THSD7A: variants seen among roughly 807,000 people sequenced by gnomAD.
The protein encoded by THSD7A is thrombospondin type 1 domain containing 7A.
A neutral mutation model predicts 231.3 loss-of-function variants in THSD7A; 96 were observed. The ratio of observed to expected loss-of-function variants is 0.41; its 90% CI spans 0.35 to 0.49. The LOEUF (loss-of-function observed/expected upper bound fraction) is 0.49. THSD7A is among the 20% of genes least tolerant of loss of function. THSD7A has a pLI of 0.05. For missense variants in THSD7A, 2,290 were observed against 2,070.2 expected (o/e 1.11, Z -2.06); for synonymous variants, 940 against 743.3 (o/e 1.26, Z -4.30).
intron 2 of THSD7A, among the ~76,000 whole-genome samples, chr7:11,635,462 C>T (rs1255355126): frequency 6.6e-6 from 1 of 152,108 alleles, no homozygotes; most frequent in Non-Finnish European, 1.5e-5. Context: ...GATAGTTTTT[C>T]ATAATATAGT....
At position 11,460,734 on chromosome 7, in the gene THSD7A, A is replaced by T; in HGVS notation, c.2533T>A (p.Leu845Ile). 2 of 1,612,708 alleles carry T rather than the reference A, an allele frequency of 1.2e-6. No homozygotes were observed. Among genetic ancestry groups the T allele is most frequent in the Non-Finnish European group, 1.7e-6 (2 of 1,179,428 alleles). The change falls in exon 11 of 28, where the codon TTA (leucine) becomes ATA (isoleucine). Residue 845 changes from leucine to isoleucine, a missense_variant. Physicochemically the swap from Leu to Ile is conservative, Grantham distance 5. Transcript: ENST00000423059. The stretch of plus-strand genomic sequence containing the variant: ...TCTTGTTGCACGCTCCAAGGGACTA[A>T]TTGGCATCTGCGCCATTTGTGAGTC... The part of the protein sequence containing the change: ...WKTHKWRRCQ[L>I]VPWSVQQDSP...
chr7:11,643,052 A>C (rs1223697934), intron 1 of THSD7A, among the ~76,000 whole-genome samples: 1 of 152,098 alleles, frequency 6.6e-6, no homozygotes, highest in Non-Finnish European at 1.5e-5. Context: ...TATAAAAGAT[A>C]AACACCATAA....
At chr7:11,512,669 T>A (rs9691868) in intron 6 of THSD7A, among the ~76,000 whole-genome samples, 122,766 of 150,350 alleles carry the variant, frequency 0.82, 50,636 homozygotes, top group Middle Eastern at 0.87. Context: ...TGAGCAAAGT[T>A]TCACAAGGAC....
At chr7:11,531,651 G>C (rs1024819957) in intron 6 of THSD7A, among the ~76,000 whole-genome samples, 15 of 152,152 alleles carry the variant, frequency 9.9e-5, no homozygotes, top group African/African-American at 3.6e-4. Flanking sequence ...CACTCCATCA[G>C]CAGGATTGAG....
intron 7 of THSD7A, among the ~76,000 whole-genome samples, chr7:11,476,233 C>T (rs1016889354): frequency 6.6e-6 from 1 of 151,234 alleles, no homozygotes; most frequent in African/African-American, 2.4e-5. Flanking sequence ...ACAATTCCTA[C>T]AGTTTATACA....
At chr7:11,651,320 G>C (rs1486805185) in intron 1 of THSD7A, among the ~76,000 whole-genome samples, 10 of 152,002 alleles carry the variant, frequency 6.6e-5, no homozygotes. Context: ...TGAGTGCAGA[G>C]TTCCAGTTTC....
chr7:11,777,218 T>C (rs1783437314), intron 1 of THSD7A, among the ~76,000 whole-genome samples: 2 of 152,120 alleles, frequency 1.3e-5, no homozygotes, highest in Non-Finnish European at 2.9e-5. Context: ...TAAGGGGACA[T>C]TTGGTGCCAT....
chr7:11,714,397 G>A (rs1480928234), intron 1 of THSD7A, among the ~76,000 whole-genome samples: 1 of 151,092 alleles, frequency 6.6e-6, no homozygotes, highest in Non-Finnish European at 1.5e-5. Context: ...TATGTATTTT[G>A]TCAATTAATC....
Position 11,447,250 on chromosome 7 carries a change from G to A in THSD7A, c.2780C>T (p.Thr927Ile). The change falls in exon 12 of 28, where the codon ACC (threonine) becomes ATC (isoleucine). Residue 927 changes from threonine (T) to isoleucine (I), a missense_variant. Transcript: ENST00000423059. ...CTTACCAACAAGAGTGCGCTTTCTG[G>A]TCCTAACTGCACCACAGTCTCCATT... ...SCNGDCGAVR[T>I]RKRTLVGKSK... The A allele has an allele frequency of 6.2e-7, 1 of 1,612,960 alleles. No individual in the cohort carries two copies. Among genetic ancestry groups the A allele is most frequent in the African/African-American group, 1.3e-5 (1 of 74,896 alleles).
At chr7:11,517,357 C>A (rs567908432) in intron 6 of THSD7A, among the ~76,000 whole-genome samples, 2 of 151,948 alleles carry the variant, frequency 1.3e-5, no homozygotes, top group South Asian at 4.2e-4. Flanking sequence ...GGATTACAGG[C>A]GTGAGCCACC....
chr7:11,769,124 T>C (rs1343138097), intron 1 of THSD7A, among the ~76,000 whole-genome samples: 463 of 34,398 alleles, frequency 0.013, 73 homozygotes, highest in Non-Finnish European at 0.021. Context: ...TTCCTGGCAA[T>C]ATATATATAT....
intron 23 of THSD7A, among the ~76,000 whole-genome samples, chr7:11,396,897 A>T (rs1411389864): frequency 1.3e-5 from 2 of 152,248 alleles, no homozygotes; most frequent in African/African-American, 4.8e-5. Flanking sequence ...ATACTGGCAC[A>T]TCGAATCCAG....
chr7:11,430,869 A>G (rs1372060773), intron 13 of THSD7A, among the ~76,000 whole-genome samples: 1 of 152,184 alleles, frequency 6.6e-6, no homozygotes, highest in Admixed American at 6.6e-5. Flanking sequence ...CATTGTATGG[A>G]CATTTCACAT....
intron 4 of THSD7A, among the ~76,000 whole-genome samples, chr7:11,569,418 T>C (rs1790527049): frequency 6.6e-6 from 1 of 151,940 alleles, no homozygotes; most frequent in African/African-American, 2.4e-5. Flanking sequence ...AACAGATACA[T>C]GAAAAAAATG....
At chr7:11,770,693 T>C (rs957302973) in intron 1 of THSD7A, among the ~76,000 whole-genome samples, 7 of 152,276 alleles carry the variant, frequency 4.6e-5, no homozygotes, top group Admixed American at 2.0e-4. Context: ...TTTAAATTAT[T>C]TGTTCTAAAC....
At position 11,536,333 on chromosome 7, in the gene THSD7A, G is replaced by A. The variant is rs1788914251; in HGVS notation, c.1822+5086C>T. 1.9e-4 allele frequency among the ~76,000 whole-genome samples: 29 copies of A among 152,142 alleles called. 1 individual carries two copies. The South Asian group carries it at 6.0e-3, about 32-fold the overall frequency. ...TCGTTTTGTAATGGGTAGTGTTGCT[G>A]GCCAGTTTGGATCCCATGTGATCCC... On this transcript the variant is annotated intron_variant, in intron 6 of 27. Transcript: ENST00000423059.
intron 4 of THSD7A, among the ~76,000 whole-genome samples, chr7:11,552,934 C>G (rs1379653672): frequency 6.6e-6 from 1 of 152,076 alleles, no homozygotes; most frequent in Non-Finnish European, 1.5e-5. Context: ...CAGCACATCC[C>G]CCTCCCTCGG....
intron 13 of THSD7A, among the ~76,000 whole-genome samples, chr7:11,434,076 G>A (rs1264281299): frequency 1.3e-5 from 2 of 151,960 alleles, no homozygotes; most frequent in Non-Finnish European, 2.9e-5. Flanking sequence ...TGCTACTAGT[G>A]AACTGCTAGA....
chr7:11,621,798 AT>A (rs907335440), intron 2 of THSD7A, among the ~76,000 whole-genome samples: 1 of 152,216 alleles, frequency 6.6e-6, no homozygotes, highest in African/African-American at 2.4e-5. Context: ...TGATGCAGTA[AT>A]TTTTTCTCCA....
Sources: gnomAD v4.1 joint callset for allele counts (sites outside exome capture counted in the v4.1 genomes callset) on GRCh38, gnomAD v4.1.1 for gene constraint, MANE v1.5 for transcripts, NCBI Gene and HGNC (gene_info 2026-07-23, HGNC 2026-07-21) for gene names.